RBM26: variants seen among roughly 807,000 people sequenced by gnomAD.
The protein encoded by RBM26 is RNA binding motif protein 26.
RBM26 carries 30 observed loss-of-function variants against 123.6 expected under a neutral mutation model. The ratio of observed to expected loss-of-function variants is 0.24; its 90% confidence interval spans 0.18 to 0.33. The LOEUF (loss-of-function observed/expected upper bound fraction) is 0.33. RBM26 is among the 10% of genes least tolerant of loss of function. The probability of loss-of-function intolerance (pLI) is 1.00; values close to 1 mark genes in which losing one functional copy is unlikely to be tolerated. For missense variants in RBM26, 947 were observed against 1,203.6 expected (o/e 0.79, Z 3.15); for synonymous variants, 400 against 404.4 (o/e 0.99, Z 0.13).
chr13:79,397,053 C>T (rs2078631286), intron 1 of RBM26, among the ~76,000 whole-genome samples: 1 of 152,074 alleles, frequency 6.6e-6, no homozygotes, highest in South Asian at 2.1e-4. Context: ...TGGTGGCGCA[C>T]GCCTGTAGTC....
At chr13:79,327,806 G>GA (rs1228455985) in intron 20 of RBM26, among the ~76,000 whole-genome samples, 2 of 152,016 alleles carry the variant, frequency 1.3e-5, no homozygotes, top group African/African-American at 4.8e-5. Context: ...GATGAGGGTT[G>GA]AAAAATTACC....
At chr13:79,371,978 C>A (rs1421891454) in intron 3 of RBM26, 48 bp from the exon 4 acceptor site, 2 of 1,291,878 alleles carry the variant, frequency 1.5e-6, no homozygotes, top group Non-Finnish European at 2.2e-6. Context: ...AATTATTCCA[C>A]TGTTAAATAG....
chr13:79,327,618 T>G (rs1288561312), intron 20 of RBM26, among the ~76,000 whole-genome samples: 2 of 152,106 alleles, frequency 1.3e-5, no homozygotes, highest in Non-Finnish European at 2.9e-5. Flanking sequence ...AGATGGCAGT[T>G]ACACATTTAA....
At chr13:79,366,270 A>G in intron 7 of RBM26, 75 bp from the exon 8 acceptor site, 1 of 1,442,550 alleles carries the variant, frequency 6.9e-7, no homozygotes, top group Non-Finnish European at 9.5e-7. Flanking sequence ...TCCGAACATA[A>G]TCTTCTCATT....
In RBM26 at chr13:79,353,240, T is replaced by G; in HGVS notation, c.1987-16A>C. 6.9e-7 allele frequency: 1 copy of G among 1,444,306 alleles called. No individual in the cohort carries two copies. The highest frequency in any genetic ancestry group is 9.5e-7 in the Non-Finnish European group (1 of 1,048,522). 89.5% of individuals were successfully genotyped at this position (1,444,306 alleles called of 1,614,324 possible). The stretch of plus-strand genomic sequence containing the variant: ...TAGTTACATTCTAAAAAAATTAAAA[T>G]GGACATATTCAGTGTTTCCCCAAAC... On this transcript the variant is annotated splice_polypyrimidine_tract_variant and intron_variant, in intron 13 of 21. Coordinates refer to ENST00000438737, the MANE Select transcript of RBM26 (RefSeq NM_001366735.2).
At chr13:79,360,695 A>G (rs9545083) in intron 9 of RBM26, among the ~76,000 whole-genome samples, 76,300 of 151,518 alleles carry the variant, frequency 0.5, 19,571 homozygotes, top group Middle Eastern at 0.59. Flanking sequence ...ATGTAATGAA[A>G]GCATACTTGC....
chr13:79,312,860 G>C (rs2066932388), exon 5 of RBM26: 3 of 151,716 alleles, frequency 2.0e-5, no homozygotes, highest in Admixed American at 2.0e-4. Flanking sequence ...CTGAACAATG[G>C]GTTCAAAAAT....
chr13:79,371,904 C>T lies in RBM26; in HGVS notation c.354G>A (p.Lys118=), dbSNP rs2075919659. The stretch of plus-strand genomic sequence containing the variant: ...TGTGATTTAGCCTTCTAGAAAACTT[C>T]TTCTCTCGCTCTTCCTCCTTAGTGA... ...EEITKEEERE[K]KFSRRLNHSP... The change falls in exon 4 of 22, where the codon AAG becomes AAA. Residue 118 remains lysine, a synonymous_variant. Transcript: ENST00000438737. 1.2e-6 allele frequency: 2 copies of T among 1,605,194 alleles called. No homozygotes were observed. The highest frequency in any genetic ancestry group is 1.7e-6 in the Non-Finnish European group (2 of 1,173,332).
At chr13:79,325,717 C>G (rs570948295) in intron 20 of RBM26, among the ~76,000 whole-genome samples, 5 of 152,144 alleles carry the variant, frequency 3.3e-5, no homozygotes, top group African/African-American at 1.2e-4. Flanking sequence ...TTCTTATAAA[C>G]TTAGTATAGC....
chr13:79,400,504 T>C lies in RBM26; in HGVS notation c.71+5200A>G, dbSNP rs9530916. On this transcript the variant is annotated intron_variant, in intron 1 of 21. Transcript: ENST00000438737. ...GAGCCCTCGTGACCTAATCACCTCT[T>C]AATACTTAACGAAATTAAATTTCAA... Among the ~76,000 whole-genome samples, 284 of 152,318 alleles carry C rather than the reference T, an allele frequency of 1.9e-3. 1 individual carries two copies. Among genetic ancestry groups the C allele is most frequent in the Non-Finnish European group, 3.4e-3 (231 of 68,028 alleles).
At chr13:79,352,409 C>G (rs2073371144) in intron 14 of RBM26, among the ~76,000 whole-genome samples, 1 of 151,494 alleles carries the variant, frequency 6.6e-6, no homozygotes, top group Non-Finnish European at 1.5e-5. Flanking sequence ...TTCTCACATT[C>G]TGTGATTTCA....
At position 79,354,171 on chromosome 13, in the gene RBM26, C is replaced by A. The variant is rs145489277; in HGVS notation, c.1986+268G>T. ...GTTTTGCTGACATGTATCTCCTCCA[C>A]AAAGTGAGAGAGAAATCTTTCTCAT... On this transcript the variant is annotated intron_variant, in intron 13 of 21. Transcript: ENST00000438737. 4.2e-3 allele frequency among the ~76,000 whole-genome samples: 630 copies of A among 151,454 alleles called. 6 individuals carry two copies. The highest frequency in any genetic ancestry group is 0.015 in the African/African-American group (609 of 41,252).
rs879011234 is a variant in RBM26 at position 79,359,499 on chromosome 13, T to C, written c.1529+76A>G. On this transcript the variant is annotated intron_variant, in intron 10 of 21. Transcript: ENST00000438737. Reference sequence around the variant, plus strand: ...AACATTTTTGGAAGAAACCAAACCATATTGTCATAATAATACAGAAATGAT... The same window carrying C: ...AACATTTTTGGAAGAAACCAAACCACATTGTCATAATAATACAGAAATGAT... The C allele has an allele frequency of 3.3e-5, 23 of 704,948 alleles. No individual in the cohort carries two copies. The South Asian group carries it at 3.9e-4, about 12-fold the overall frequency. The allele number at this position is 704,948 out of a possible 1,614,324, so 43.7% of individuals were successfully genotyped here.
At chr13:79,377,898 C>T (rs1176763613) in intron 2 of RBM26, among the ~76,000 whole-genome samples, 1 of 151,072 alleles carries the variant, frequency 6.6e-6, no homozygotes, top group African/African-American at 2.4e-5. Context: ...ATTGCACTCC[C>T]GCCTGGGTGA....
chr13:79,384,884 T>G (rs563495010), intron 1 of RBM26, among the ~76,000 whole-genome samples: 1 of 152,202 alleles, frequency 6.6e-6, no homozygotes, highest in African/African-American at 2.4e-5. Context: ...AAAGCTATAA[T>G]ACTCCAATAC....
chr13:79,328,431 A>T (rs898495713), intron 20 of RBM26, among the ~76,000 whole-genome samples: 1 of 151,994 alleles, frequency 6.6e-6, no homozygotes, highest in Admixed American at 6.6e-5. Flanking sequence ...TAGACCAAAT[A>T]AGTTCCACGT....
chr13:79,345,311 T>A (rs2072133698), intron 14 of RBM26, among the ~76,000 whole-genome samples: 1 of 152,046 alleles, frequency 6.6e-6, no homozygotes. Context: ...CAGCTTAGGT[T>A]CAGCCTAACA....
Position 79,341,327 on chromosome 13 carries a change from A to G in RBM26, c.2428-100T>C, listed in dbSNP as rs370333829. 1.1e-4 allele frequency: 74 copies of G among 656,254 alleles called. 1 individual carries two copies. Among genetic ancestry groups the G allele is most frequent in the East Asian group, 6.0e-4 (20 of 33,342 alleles). 40.7% of individuals were successfully genotyped at this position (656,254 alleles called of 1,614,324 possible). ...TTTTACGCAGTCCCATTTAATCCAT[A>G]TATTTCTATCTCCAGTATAATCACT... On this transcript the variant is annotated intron_variant, in intron 17 of 21. Coordinates refer to ENST00000438737, the MANE Select transcript of RBM26 (RefSeq NM_001366735.2).
chr13:79,334,613 C>T (rs2069995875), intron 19 of RBM26, among the ~76,000 whole-genome samples, 183 bp from the exon 20 acceptor site: 1 of 152,082 alleles, frequency 6.6e-6, no homozygotes, highest in South Asian at 2.1e-4. Flanking sequence ...AAAAGGTGGT[C>T]CTGTCTTCCA....
Sources: gnomAD v4.1 joint callset for allele counts (sites outside exome capture counted in the v4.1 genomes callset) on GRCh38, gnomAD v4.1.1 for gene constraint, MANE v1.5 for transcripts, NCBI Gene and HGNC (gene_info 2026-07-23, HGNC 2026-07-21) for gene names.